The following ZNF503 variants were observed in gnomAD, a reference collection of about 807,000 sequenced individuals.
ZNF503 encodes NocA-like zinc finger 2.
In ZNF503, 15 loss-of-function variants were observed where a neutral mutation model predicts 34.4. That is an observed-to-expected ratio of 0.44 (90% CI 0.29 to 0.67). ZNF503 has a LOEUF of 0.67. Among genes scored for constraint, ZNF503 ranks in the 30% least tolerant of loss-of-function variants. The pLI, the probability that ZNF503 is intolerant of heterozygous loss-of-function variation, is 0.13. For synonymous variants in ZNF503, 580 were observed against 456.8 expected, an observed-to-expected ratio of 1.27 and a Z score of -3.44; for missense variants, 1,007 against 926.8, an observed-to-expected ratio of 1.09 and a Z score of -1.12.
At chr10:75,370,059 AAAATAAATAAAT>A in the ZNF503 span, among the ~76,000 whole-genome samples, 919 of 142,774 alleles carry the variant, frequency 6.4e-3, 4 homozygotes, top group Admixed American at 0.011. Flanking sequence ...ACTACATGTC[AAAATAAATAAAT>A]AAATAAATAA....
chr10:75,401,771 GAA>G, upstream of ZNF503: 1 of 320,302 alleles, frequency 3.1e-6, no homozygotes, highest in South Asian at 5.4e-5. Context: ...CTCTGGCGAG[GAA>G]ACTCACTTCA....
At chr10:75,387,567 C>T in the ZNF503 span, among the ~76,000 whole-genome samples, 11 of 152,342 alleles carry the variant, frequency 7.2e-5, no homozygotes, top group Non-Finnish European at 1.5e-4. Context: ...GATATTCTAT[C>T]TGGTAAGAGT....
rs1045042390 is a variant in ZNF503 at position 75,398,745 on chromosome 10, G to A, written c.*4C>T. 4 of 1,368,840 alleles carry A rather than the reference G, an allele frequency of 2.9e-6. No homozygotes were observed. Among genetic ancestry groups the A allele is most frequent in the South Asian group, 1.9e-5 (1 of 51,326 alleles). 84.8% of individuals were successfully genotyped at this position (1,368,840 alleles called of 1,614,324 possible). A position where few individuals can be genotyped will look rare whatever the true frequency, so the allele number is the denominator to read the frequency against. The stretch of plus-strand genomic sequence containing the variant: ...CTCTCCCTCGCTCGCCCTCCCGGCC[G>A]CCCTCACTGATACCCCAGCGCCGAG... On this transcript the variant is annotated 3_prime_UTR_variant, in exon 2 of 2. Coordinates refer to ENST00000372524, the MANE Select transcript of ZNF503 (RefSeq NM_032772.6).
At chr10:75,335,141 C>G in the ZNF503 span, among the ~76,000 whole-genome samples, 1 of 152,138 alleles carries the variant, frequency 6.6e-6, no homozygotes, top group East Asian at 1.9e-4. Context: ...TTTCATATCT[C>G]TAAAATGTGG....
chr10:75,362,745 C>T, the ZNF503 span, among the ~76,000 whole-genome samples: 1 of 152,130 alleles, frequency 6.6e-6, no homozygotes, highest in Non-Finnish European at 1.5e-5. Context: ...TGATGTCACT[C>T]AGCTAATAGT....
chr10:75,358,275 G>A, the ZNF503 span: 1 of 152,150 alleles, frequency 6.6e-6, no homozygotes, highest in South Asian at 2.1e-4. Context: ...ATTACCCTGA[G>A]CTGCCTGGAC....
the ZNF503 span, among the ~76,000 whole-genome samples, chr10:75,371,804 G>A: frequency 6.6e-6 from 1 of 152,128 alleles, no homozygotes; most frequent in Admixed American, 6.5e-5. Context: ...GCTGCTCCTG[G>A]GAGACCATGA....
rs763866208 is a variant in ZNF503, at chr10:75,399,332, T to C, written c.1358A>G (p.His453Arg). ...CGCCGCAGCCGCAGCAGCCGGATCATGTGCGCAAGAAGCGCTGGCGGCCGC... is the reference window on the plus strand; with the variant it reads ...CGCCGCAGCCGCAGCAGCCGGATCACGTGCGCAAGAAGCGCTGGCGGCCGC... Reference protein sequence around the residue: ...GAAAASASCAHDPAAAAAALK... With the variant: ...GAAAASASCARDPAAAAAALK... Residue 453 changes from histidine (H) to arginine (R), a missense_variant, in exon 2 of 2, where the codon CAT becomes CGT. Coordinates refer to ENST00000372524, the MANE Select transcript of ZNF503 (RefSeq NM_032772.6). 19 of 1,605,658 alleles carry C rather than the reference T, an allele frequency of 1.2e-5. No homozygotes were observed. Among genetic ancestry groups the C allele is most frequent in the East Asian group, 4.5e-5 (2 of 44,680 alleles).
the ZNF503 span, among the ~76,000 whole-genome samples, chr10:75,374,475 C>G: frequency 1.3e-5 from 2 of 152,314 alleles, no homozygotes; most frequent in East Asian, 3.9e-4. Flanking sequence ...GGGGTCTTCG[C>G]ACTTGCCACC....
chr10:75,393,365 C>G (rs904390331), downstream of ZNF503, among the ~76,000 whole-genome samples: 11 of 152,210 alleles, frequency 7.2e-5, no homozygotes, highest in African/African-American at 2.4e-4. Context: ...TGGGAGCCAA[C>G]CCAAGCATAG....
At chr10:75,329,423 C>T in the ZNF503 span, among the ~76,000 whole-genome samples, 3 of 80,240 alleles carry the variant, frequency 3.7e-5, no homozygotes, top group South Asian at 4.5e-4. Context: ...CCTTTCCTTC[C>T]TTCCTTCCTT....
At chr10:75,351,542 C>G in the ZNF503 span, among the ~76,000 whole-genome samples, 1 of 152,202 alleles carries the variant, frequency 6.6e-6, no homozygotes. Flanking sequence ...GGACTCTCCA[C>G]TTTTCATACC....
chr10:75,297,372 A>G, the ZNF503 span, among the ~76,000 whole-genome samples: 1 of 152,038 alleles, frequency 6.6e-6, no homozygotes, highest in Admixed American at 6.6e-5. Context: ...TCGTTTACTC[A>G]TTCAAGAAAT....
chr10:75,355,771 A>G, the ZNF503 span, among the ~76,000 whole-genome samples: 8 of 152,230 alleles, frequency 5.3e-5, no homozygotes, highest in Non-Finnish European at 1.2e-4. Flanking sequence ...TTATGTTTAT[A>G]GGTTCTATGG....
chr10:75,392,234 C>T, the ZNF503 span, among the ~76,000 whole-genome samples: 1 of 152,212 alleles, frequency 6.6e-6, no homozygotes, highest in Non-Finnish European at 1.5e-5. Flanking sequence ...TGGCAATGTG[C>T]TGTTCACCCT....
chr10:75,347,280 C>A, the ZNF503 span, among the ~76,000 whole-genome samples: 1 of 152,190 alleles, frequency 6.6e-6, no homozygotes, highest in Non-Finnish European at 1.5e-5. Flanking sequence ...CAGATCAGAT[C>A]AAGTACATAG....
At chr10:75,346,973 TG>T in the ZNF503 span, among the ~76,000 whole-genome samples, 26 of 152,274 alleles carry the variant, frequency 1.7e-4, 1 homozygote, top group African/African-American at 5.5e-4. Context: ...CATTTTGCAT[TG>T]AGCCCTGCAA....
chr10:75,338,993 C>T, the ZNF503 span, among the ~76,000 whole-genome samples: 1 of 152,166 alleles, frequency 6.6e-6, no homozygotes, highest in Non-Finnish European at 1.5e-5. Context: ...TTTTGGAGGC[C>T]GAGGCGGGTG....
At chr10:75,392,315 C>G in the ZNF503 span, among the ~76,000 whole-genome samples, 1 of 152,170 alleles carries the variant, frequency 6.6e-6, no homozygotes. Context: ...TGTCCATGGT[C>G]ACACAACTAT....
Sources: allele counts gnomAD v4.1 joint callset (sites outside exome capture counted in the v4.1 genomes callset), GRCh38; gene constraint gnomAD v4.1.1; transcripts MANE v1.5; gene names NCBI Gene and HGNC (gene_info 2026-07-23, HGNC 2026-07-21).